The following SERGEF variants were observed in gnomAD, a reference collection of about 807,000 sequenced individuals.
The protein encoded by SERGEF is secretion-regulating guanine nucleotide exchange factor.
SERGEF carries 51 observed loss-of-function variants against 50.0 expected under a neutral mutation model. The ratio of observed to expected loss-of-function variants is 1.02; its 90% confidence interval spans 0.81 to 1.29. The LOEUF is 1.29. Ranked by LOEUF, SERGEF falls within the 50% of genes most tolerant of loss-of-function variation. SERGEF has a pLI of 0.00. For synonymous variants in SERGEF, 205 were observed against 212.4 expected (o/e 0.97, Z 0.30); for missense variants, 521 against 557.0 (o/e 0.94, Z 0.65).
chr11:17,882,437 GA>G (rs1220084319), intron 9 of SERGEF, among the ~76,000 whole-genome samples: 3 of 134,508 alleles, frequency 2.2e-5, no homozygotes, highest in East Asian at 2.3e-4. Flanking sequence ...AAAAAAAAAA[GA>G]AAAAAAAAGA....
chr11:17,956,648 T>A (rs548514120), intron 9 of SERGEF, among the ~76,000 whole-genome samples: 1 of 152,296 alleles, frequency 6.6e-6, no homozygotes, highest in South Asian at 2.1e-4. Flanking sequence ...GCTATCCTTC[T>A]GGACCCTTCT....
At position 17,995,810 on chromosome 11, in the gene SERGEF, G is replaced by C; in HGVS notation, c.608C>G (p.Pro203Arg). 6.2e-7 allele frequency: 1 copy of C among 1,611,804 alleles called. No homozygotes were observed. The highest frequency in any genetic ancestry group is 8.5e-7 in the Non-Finnish European group (1 of 1,178,018). Residue 203 changes from proline (P) to arginine (R), a missense_variant, in exon 6 of 11, where the codon CCA becomes CGA. Physicochemically the swap from Pro to Arg is moderately radical, Grantham distance 103 (BLOSUM62 -2). Transcript: ENST00000265965. ...AAGCATCTTACCTGTCACTCTGCTT[G>C]GTTCCTTTGCTGTGAAAAACAATGG... ...TLPLFFTAKE[P>R]SRVTGLENSK...
intron 7 of SERGEF, among the ~76,000 whole-genome samples, chr11:17,990,867 T>C (rs1047678161): frequency 6.6e-6 from 1 of 151,942 alleles, no homozygotes; most frequent in Admixed American, 6.6e-5. Context: ...CCCGGGTTCA[T>C]GCAATTCTCC....
intron 9 of SERGEF, among the ~76,000 whole-genome samples, chr11:17,949,844 A>T (rs1198036106): frequency 6.6e-6 from 1 of 152,216 alleles, no homozygotes; most frequent in Non-Finnish European, 1.5e-5. Context: ...AAGAAGAGGC[A>T]TGTTTGTAAG....
At chr11:17,830,701 C>T (rs931435997) in intron 10 of SERGEF, among the ~76,000 whole-genome samples, 2 of 131,030 alleles carry the variant, frequency 1.5e-5, no homozygotes, top group Admixed American at 1.6e-4. Context: ...CATGTACATG[C>T]AAGAGTAAGT....
chr11:17,845,509 C>T (rs1195882753), intron 10 of SERGEF, among the ~76,000 whole-genome samples: 1 of 152,174 alleles, frequency 6.6e-6, no homozygotes, highest in Non-Finnish European at 1.5e-5. Context: ...AGCTGACTGG[C>T]CTCTCCATCC....
chr11:18,003,865 G>T (rs1192786426), intron 4 of SERGEF, among the ~76,000 whole-genome samples: 1 of 152,132 alleles, frequency 6.6e-6, no homozygotes, highest in Non-Finnish European at 1.5e-5. Context: ...TGGTGGTAAT[G>T]AAAATGTTCT....
rs750252066 is a variant in SERGEF, at chr11:17,959,468, A to G, written c.1011+2T>C. The G allele has an allele frequency of 5.3e-5, 86 of 1,612,174 alleles. 2 individuals carry two copies. The East Asian group carries it at 1.9e-3, about 35-fold the overall frequency. ...TTACATCTGTGAGAAGTCACTTCCT[A>G]CCTCAGTTGCTCCAGTTAAGCAATG... is the stretch of plus-strand genomic sequence containing the variant. On this transcript the variant is annotated splice_donor_variant, in intron 9 of 10. Transcript: ENST00000265965. LOFTEE classifies it high-confidence loss of function.
At chr11:17,805,048 T>C (rs970800609) in intron 10 of SERGEF, among the ~76,000 whole-genome samples, 1 of 152,250 alleles carries the variant, frequency 6.6e-6, no homozygotes, top group Non-Finnish European at 1.5e-5. Context: ...GAAAATACTG[T>C]CTGATGCACA....
At position 17,888,632 on chromosome 11, in the gene SERGEF, C is replaced by T. The variant is rs1053354317; in HGVS notation, c.1012-10388G>A. On this transcript the variant is annotated intron_variant, in intron 9 of 10. Transcript: ENST00000265965. This position sits in a 1 kb window ranked among gnomAD's most constrained non-coding sequence, Gnocchi z 4.1. ...ATCAGTATGAACTCACAGTTTTACACACACACACACACACACACACACACA... is the reference window on the plus strand; with the variant it reads ...ATCAGTATGAACTCACAGTTTTACATACACACACACACACACACACACACA... Among the ~76,000 whole-genome samples, 1 of 3,974 alleles carries T rather than the reference C, an allele frequency of 2.5e-4. No homozygotes were observed. Among genetic ancestry groups the T allele is most frequent in the Non-Finnish European group, 6.3e-4 (1 of 1,576 alleles). The allele number at this position is 3,974 out of a possible 152,430, so 2.6% of individuals were successfully genotyped here. A position where few individuals can be genotyped will look rare whatever the true frequency, so the allele number is the denominator to read the frequency against.
At chr11:17,933,333 T>C (rs538416072) in intron 9 of SERGEF, among the ~76,000 whole-genome samples, 2 of 152,310 alleles carry the variant, frequency 1.3e-5, no homozygotes, top group African/African-American at 4.8e-5. Flanking sequence ...CTAGTCCTCA[T>C]TGATCTTATT....
intron 9 of SERGEF, among the ~76,000 whole-genome samples, chr11:17,932,226 T>C (rs1415760604): frequency 6.6e-6 from 1 of 152,168 alleles, no homozygotes; most frequent in African/African-American, 2.4e-5. Context: ...TCTGCGCGTG[T>C]TCAAAAACCT....
chr11:17,959,504 G>A lies in SERGEF; in HGVS notation c.977C>T (p.Pro326Leu), dbSNP rs780782974. Residue 326 changes from proline (P) to leucine (L), a missense_variant, in exon 9 of 11, where the codon CCT becomes CTT. Physicochemically the swap from Pro to Leu is moderately conservative, Grantham distance 98 (BLOSUM62 -3). Transcript: ENST00000265965. ...LPCSRPPNSM[P>L]SSPHCLTGAT... is the part of the protein sequence containing the mutation. The stretch of plus-strand genomic sequence containing the variant: ...TCCAGTTAAGCAATGCGGAGACGAA[G>A]GCATGCTGTTCGGTGGTCTTGAACA... 21 of 1,613,920 alleles carry A rather than the reference G, an allele frequency of 1.3e-5. No individual in the cohort carries two copies. The highest frequency in any genetic ancestry group is 6.7e-5 in the Admixed American group (4 of 60,006).
At chr11:17,908,036 C>T (rs899367103) in intron 9 of SERGEF, among the ~76,000 whole-genome samples, 6 of 152,176 alleles carry the variant, frequency 3.9e-5, no homozygotes, top group African/African-American at 9.6e-5. Context: ...TCAAGTTCTC[C>T]GCAACTTAGC....
intron 8 of SERGEF, among the ~76,000 whole-genome samples, chr11:17,986,040 AGC>A (rs1853588741): frequency 6.6e-6 from 1 of 152,198 alleles, no homozygotes; most frequent in African/African-American, 2.4e-5. Context: ...TGAGACTGAG[AGC>A]AGCCTCTGTG....
chr11:17,909,473 A>G (rs1851909518), intron 9 of SERGEF, among the ~76,000 whole-genome samples: 3 of 152,232 alleles, frequency 2.0e-5, no homozygotes, highest in Admixed American at 1.3e-4. Context: ...TCTGCTGGAA[A>G]GGTCAATGCT....
rs548339309 is a variant in SERGEF at position 17,914,860 on chromosome 11, C to T, written c.1012-36616G>A. On this transcript the variant is annotated intron_variant, in intron 9 of 10. Coordinates refer to ENST00000265965, the MANE Select transcript of SERGEF (RefSeq NM_012139.4). Reference sequence around the variant, plus strand: ...TATAATAGTGATCAACACAAAGGGCCCTGCTCTCATGGAGTTTAAATTCTG... The same window carrying T: ...TATAATAGTGATCAACACAAAGGGCTCTGCTCTCATGGAGTTTAAATTCTG... Among the ~76,000 whole-genome samples, 4 of 152,138 alleles carry T rather than the reference C, an allele frequency of 2.6e-5. No homozygotes were observed. In the South Asian group the frequency reaches 8.3e-4, roughly 32 times the overall value.
At chr11:17,897,560 A>C (rs1056928996) in intron 9 of SERGEF, among the ~76,000 whole-genome samples, 13 of 152,248 alleles carry the variant, frequency 8.5e-5, no homozygotes, top group Non-Finnish European at 1.9e-4. Context: ...CAAAAGCAAC[A>C]GTCTACTGAA....
In SERGEF at chr11:17,995,221, C is replaced by T. The variant is rs1050639356; in HGVS notation, c.622+575G>A. ...ATATTACCTACTCCTCGTATTTTCG[C>T]GTAGAGAGATTTCCCTGTGGGAACA... On this transcript the variant is annotated intron_variant, in intron 6 of 10. Transcript: ENST00000265965. Among the ~76,000 whole-genome samples, 39 of 152,152 alleles carry T rather than the reference C, an allele frequency of 2.6e-4. 1 individual carries two copies. Among genetic ancestry groups the T allele is most frequent in the African/African-American group, 6.5e-4 (27 of 41,442 alleles).
Sources: allele counts gnomAD v4.1 joint callset (sites outside exome capture counted in the v4.1 genomes callset), GRCh38; gene constraint gnomAD v4.1.1; non-coding constraint Gnocchi (gnomAD v3.1); transcripts MANE v1.5; gene names NCBI Gene and HGNC (gene_info 2026-07-23, HGNC 2026-07-21).